Variants in PKHD1 observed in about 807,000 individuals in gnomAD.
PKHD1 encodes fibrocystin.
Under a neutral mutation model 412.0 loss-of-function variants are expected in PKHD1, and 291 were observed. The ratio of observed to expected loss-of-function variants is 0.71; its 90% confidence interval spans 0.64 to 0.78. The LOEUF (loss-of-function observed/expected upper bound fraction) is 0.78. PKHD1 is among the 30% of genes least tolerant of loss of function. The pLI, the probability that PKHD1 is intolerant of heterozygous loss-of-function variation, is 0.00. For synonymous variants in PKHD1, 1,777 were observed against 1,821.5 expected (o/e 0.98, Z 0.62); for missense variants, 4,825 against 4,950.7 (o/e 0.97, Z 0.76).
intron 37 of PKHD1, among the ~76,000 whole-genome samples, chr6:51,923,242 A>T (rs990889035): frequency 1.3e-5 from 2 of 152,222 alleles, no homozygotes; most frequent in Non-Finnish European, 2.9e-5. Context: ...TATCAGAATC[A>T]ATTCTAGACT....
chr6:52,053,627 C>A (rs761134140), intron 20 of PKHD1, among the ~76,000 whole-genome samples: 6 of 152,288 alleles, frequency 3.9e-5, no homozygotes, highest in African/African-American at 1.4e-4. Flanking sequence ...AGACCATTTA[C>A]AAGACCCATG....
At chr6:51,628,824 G>C (rs888246050) in intron 65 of PKHD1, among the ~76,000 whole-genome samples, 1 of 152,190 alleles carries the variant, frequency 6.6e-6, no homozygotes, top group South Asian at 2.1e-4. Context: ...ATACTACAAA[G>C]GTACAGTAAC....
intron 35 of PKHD1, among the ~76,000 whole-genome samples, chr6:51,983,665 G>C (rs893815810): frequency 2.0e-5 from 3 of 152,212 alleles, no homozygotes; most frequent in African/African-American, 7.2e-5. Context: ...ATGTTAAATG[G>C]TCATCTTTCT....
intron 48 of PKHD1, among the ~76,000 whole-genome samples, chr6:51,859,690 A>C (rs962817865): frequency 3.3e-5 from 5 of 152,104 alleles, no homozygotes; most frequent in African/African-American, 1.2e-4. Context: ...ACATTTACAG[A>C]CCAATTTTTA....
At position 52,024,677 on chromosome 6, in the gene PKHD1, G is replaced by C. The variant is rs144841026; in HGVS notation, c.5133C>G (p.Ala1711=). The change falls in exon 32 of 67, where the codon GCC becomes GCG. Residue 1711 remains alanine, a synonymous_variant. Transcript: ENST00000371117. ...VLQCVVPSLP[A]GEYHVRGYDC... is the part of the protein sequence containing the mutation. ...CATAGCCTCTGACGTGGTACTCCCC[G>C]GCCGGAAGGGAAGGGACCACGCACT... 99 of 1,613,968 alleles carry C rather than the reference G, an allele frequency of 6.1e-5. No homozygotes were observed. Among genetic ancestry groups the C allele is most frequent in the Non-Finnish European group, 7.4e-5 (87 of 1,179,972 alleles).
intron 43 of PKHD1, among the ~76,000 whole-genome samples, chr6:51,893,852 T>C (rs763335487): frequency 3.3e-5 from 5 of 152,174 alleles, no homozygotes; most frequent in Non-Finnish European, 7.4e-5. Flanking sequence ...ACAGAATTCC[T>C]TACAAAATTG....
chr6:51,867,548 T>C (rs926149505), intron 48 of PKHD1, among the ~76,000 whole-genome samples: 4 of 152,156 alleles, frequency 2.6e-5, no homozygotes, highest in Non-Finnish European at 5.9e-5. Flanking sequence ...ATAATACTTT[T>C]AATTTAAATA....
chr6:51,881,723 T>G (rs1392698057), intron 46 of PKHD1, among the ~76,000 whole-genome samples: 1 of 152,166 alleles, frequency 6.6e-6, no homozygotes, highest in African/African-American at 2.4e-5. Flanking sequence ...AAGCCTCCAT[T>G]TTCCCCTAAG....
intron 49 of PKHD1, among the ~76,000 whole-genome samples, chr6:51,854,080 G>A (rs1300219778): frequency 6.6e-6 from 1 of 152,098 alleles, no homozygotes; most frequent in Non-Finnish European, 1.5e-5. Context: ...CTTTGAGGCT[G>A]TTGACCCTTG....
chr6:51,758,554 G>T (rs2151043693), intron 55 of PKHD1, among the ~76,000 whole-genome samples: 1 of 152,232 alleles, frequency 6.6e-6, no homozygotes. Context: ...GATCTTCAGG[G>T]AAGAGGGGAG....
intron 43 of PKHD1, among the ~76,000 whole-genome samples, chr6:51,891,621 T>C (rs1175376638): frequency 6.6e-6 from 1 of 151,692 alleles, no homozygotes; most frequent in East Asian, 1.9e-4. Context: ...ACATGGCTGA[T>C]CCACTGGCAG....
intron 35 of PKHD1, among the ~76,000 whole-genome samples, chr6:51,982,192 G>T (rs867634112): frequency 8.8e-4 from 15 of 16,982 alleles, no homozygotes; most frequent in Non-Finnish European, 1.0e-3. Flanking sequence ...AGGTGGGGGG[G>T]TCAGCCCCCC....
At chr6:51,843,058 A>G (rs575153267) in intron 50 of PKHD1, among the ~76,000 whole-genome samples, 5 of 152,322 alleles carry the variant, frequency 3.3e-5, no homozygotes, top group African/African-American at 7.2e-5. Flanking sequence ...GATATGCTAC[A>G]TGCTCATTAT....
chr6:51,847,397 C>CTAAG (rs2151624966), intron 50 of PKHD1, among the ~76,000 whole-genome samples: 1 of 152,066 alleles, frequency 6.6e-6, no homozygotes, highest in South Asian at 2.1e-4. Flanking sequence ...TGACACTGCC[C>CTAAG]TAAGATGAAT....
chr6:52,022,240 T>C (rs944162471), intron 33 of PKHD1, among the ~76,000 whole-genome samples: 17 of 152,222 alleles, frequency 1.1e-4, no homozygotes, highest in African/African-American at 3.6e-4. Flanking sequence ...TGAGCAATTG[T>C]GGTGTTTTAC....
At chr6:51,976,304 A>G (rs1362050547) in intron 35 of PKHD1, among the ~76,000 whole-genome samples, 1 of 152,262 alleles carries the variant, frequency 6.6e-6, no homozygotes, top group Non-Finnish European at 1.5e-5. Flanking sequence ...AATTTTATTC[A>G]GCCTTAAAAA....
At chr6:52,014,085 T>C (rs1158112663) in intron 34 of PKHD1, among the ~76,000 whole-genome samples, 1 of 152,228 alleles carries the variant, frequency 6.6e-6, no homozygotes, top group Non-Finnish European at 1.5e-5. Flanking sequence ...CCAAACTCTT[T>C]ACTTTGGCCT....
At chr6:51,881,072 TTTC>T (rs1283202704) in intron 46 of PKHD1, among the ~76,000 whole-genome samples, 7 of 78,514 alleles carry the variant, frequency 8.9e-5, no homozygotes. Context: ...CCTCTTTTTC[TTTC>T]TTTTTTTTTT....
chr6:51,941,385 AGCTGGGACTACAGGCGCCCGCCACCGC>A, intron 36 of PKHD1, among the ~76,000 whole-genome samples: 1 of 149,216 alleles, frequency 6.7e-6, no homozygotes, highest in Non-Finnish European at 1.5e-5. Context: ...CCTCCCGAGT[AGCTGGGACTACAGGCGCCCGCCACCGC>A]GCCCGGCTAA....
Sources: gnomAD v4.1 joint callset for allele counts (sites outside exome capture counted in the v4.1 genomes callset) on GRCh38, gnomAD v4.1.1 for gene constraint, MANE v1.5 for transcripts, NCBI Gene and HGNC (gene_info 2026-07-23, HGNC 2026-07-21) for gene names.